NEMP2: variants seen among roughly 807,000 people sequenced by gnomAD.
The protein encoded by NEMP2 is UPF0571 transmembrane protein.
A neutral mutation model predicts 54.2 loss-of-function variants in NEMP2; 53 were observed. That is an observed-to-expected ratio of 0.98 (90% CI 0.78 to 1.23). The LOEUF is 1.23. Ranked by LOEUF, NEMP2 falls within the 50% of genes most tolerant of loss-of-function variation. The pLI is 0.00. For missense variants in NEMP2, 455 were observed against 511.3 expected, an observed-to-expected ratio of 0.89 and a Z score of 1.06; for synonymous variants, 197 against 190.3, an observed-to-expected ratio of 1.04 and a Z score of -0.29.
the NEMP2 span, among the ~76,000 whole-genome samples, chr2:190,466,081 C>A: frequency 6.6e-6 from 1 of 152,168 alleles, no homozygotes; most frequent in East Asian, 1.9e-4. Context: ...AGGTTTTCTT[C>A]CAGAGTTTTT....
Position 190,534,557 on chromosome 2 carries a change from A to G in NEMP2, c.97+2T>C, listed in dbSNP as rs1691295103. ...GCGCCGCCGCCGCCGGTCCCGGGTT[A>G]CCTGATAACGCTGCCGCCGCCGCCT... On this transcript the variant is annotated splice_donor_variant, in intron 1 of 8. Coordinates refer to ENST00000409150, the MANE Select transcript of NEMP2 (RefSeq NM_001142645.2). LOFTEE classifies it high-confidence loss of function. 28 of 1,402,516 alleles carry G rather than the reference A, an allele frequency of 2.0e-5. No homozygotes were observed. Among genetic ancestry groups the G allele is most frequent in the Non-Finnish European group, 2.4e-5 (26 of 1,083,058 alleles). 86.9% of individuals were successfully genotyped at this position (1,402,516 alleles called of 1,614,324 possible). A position where few individuals can be genotyped will look rare whatever the true frequency, so the allele number is the denominator to read the frequency against.
the NEMP2 span, chr2:190,454,448 GT>G: frequency 6.6e-6 from 1 of 152,212 alleles, no homozygotes; most frequent in Non-Finnish European, 1.5e-5. The surrounding 1 kb of genome is among the most constrained non-coding windows in gnomAD (Gnocchi z 4.6). Context: ...GGTCATGAGA[GT>G]GGGGCCCTCA....
chr2:190,545,950 G>A, the NEMP2 span, among the ~76,000 whole-genome samples: 1 of 152,178 alleles, frequency 6.6e-6, no homozygotes, highest in Non-Finnish European at 1.5e-5. Flanking sequence ...GGTCATAGGA[G>A]TGGAATGTCA....
chr2:190,463,863 G>T, the NEMP2 span: 9 of 982,108 alleles, frequency 9.2e-6, no homozygotes, highest in Non-Finnish European at 1.1e-5. The surrounding 1 kb of genome is among the most constrained non-coding windows in gnomAD (Gnocchi z 4.4). Flanking sequence ...AGCTGAGAAT[G>T]ATGGAGCCCA....
At chr2:190,501,602 C>T (rs1690027760), downstream of NEMP2, 1 of 152,402 alleles carries the variant, frequency 6.6e-6, no homozygotes, top group East Asian at 1.9e-4. Flanking sequence ...AAATGAGCAA[C>T]TCACCTTACC....
At chr2:190,496,735 A>G in the NEMP2 span, among the ~76,000 whole-genome samples, 8 of 152,198 alleles carry the variant, frequency 5.3e-5, no homozygotes, top group Admixed American at 5.2e-4. The surrounding 1 kb of genome is among the most constrained non-coding windows in gnomAD (Gnocchi z 4.7). Context: ...TCAGCCATAA[A>G]AAGGAATGAA....
the NEMP2 span, among the ~76,000 whole-genome samples, chr2:190,580,394 A>G: frequency 2.0e-5 from 3 of 152,166 alleles, no homozygotes; most frequent in Admixed American, 2.0e-4. This position sits in a 1 kb window ranked among gnomAD's most constrained non-coding sequence, Gnocchi z 5.3. Flanking sequence ...TGGTGATAAT[A>G]TGGTCTGTTA....
At chr2:190,639,242 G>T in the NEMP2 span, among the ~76,000 whole-genome samples, 79 of 152,234 alleles carry the variant, frequency 5.2e-4, no homozygotes, top group Non-Finnish European at 9.4e-4. Flanking sequence ...CATGGTCAAA[G>T]AATTTGGTGT....
the NEMP2 span, among the ~76,000 whole-genome samples, chr2:190,456,901 G>T: frequency 0.013 from 1,905 of 152,270 alleles, 38 homozygotes; most frequent in African/African-American, 0.043. This position sits in a 1 kb window ranked among gnomAD's most constrained non-coding sequence, Gnocchi z 5.4. Context: ...TTGGACAACT[G>T]TTGAGTGGCA....
At chr2:190,491,421 G>A in the NEMP2 span, among the ~76,000 whole-genome samples, 12 of 152,170 alleles carry the variant, frequency 7.9e-5, no homozygotes, top group Non-Finnish European at 1.6e-4. The surrounding 1 kb of genome is among the most constrained non-coding windows in gnomAD (Gnocchi z 4.2). Flanking sequence ...GAGGACCTGA[G>A]AGACAGGCCA....
chr2:190,447,122 A>C, the NEMP2 span, among the ~76,000 whole-genome samples: 1 of 152,232 alleles, frequency 6.6e-6, no homozygotes. This position sits in a 1 kb window ranked among gnomAD's most constrained non-coding sequence, Gnocchi z 4.5. Context: ...GTCTTGACAC[A>C]CAAAATATAA....
chr2:190,595,959 C>T, the NEMP2 span, among the ~76,000 whole-genome samples: 2 of 152,158 alleles, frequency 1.3e-5, no homozygotes, highest in Admixed American at 6.5e-5. This position sits in a 1 kb window ranked among gnomAD's most constrained non-coding sequence, Gnocchi z 4.0. Context: ...CATATGTTTA[C>T]TGCAGCACTG....
At chr2:190,482,094 T>C in the NEMP2 span, among the ~76,000 whole-genome samples, 1 of 152,184 alleles carries the variant, frequency 6.6e-6, no homozygotes. Context: ...ATTGTATGGG[T>C]CAGGTGCAGA....
the NEMP2 span, among the ~76,000 whole-genome samples, chr2:190,474,739 C>A: frequency 1.3e-5 from 2 of 152,138 alleles, no homozygotes; most frequent in African/African-American, 4.8e-5. Flanking sequence ...ATCCTGATAC[C>A]AAAGCCTGGC....
At chr2:190,453,625 C>T in the NEMP2 span, among the ~76,000 whole-genome samples, 1 of 152,204 alleles carries the variant, frequency 6.6e-6, no homozygotes, top group African/African-American at 2.4e-5. Context: ...AAATTACATC[C>T]TAATGTCAGA....
At chr2:190,573,339 C>A in the NEMP2 span, among the ~76,000 whole-genome samples, 2 of 152,156 alleles carry the variant, frequency 1.3e-5, no homozygotes, top group Non-Finnish European at 2.9e-5. Flanking sequence ...AATGTAATCT[C>A]CTATCTCTTT....
At chr2:190,534,525 C>T in intron 1 of NEMP2, 34 bp downstream of exon 1, 2 of 1,376,108 alleles carry the variant, frequency 1.5e-6, no homozygotes, top group Non-Finnish European at 1.9e-6. Context: ...AGCGAGCACG[C>T]ACGCGCGCGC....
At chr2:190,503,902 G>A (rs1374509230), downstream of NEMP2, among the ~76,000 whole-genome samples, 2 of 152,174 alleles carry the variant, frequency 1.3e-5, no homozygotes, top group African/African-American at 4.8e-5. This position sits in a 1 kb window ranked among gnomAD's most constrained non-coding sequence, Gnocchi z 6.3. Flanking sequence ...GAAACTTGCT[G>A]ATGTCTAACA....
At chr2:190,573,984 T>C in the NEMP2 span, among the ~76,000 whole-genome samples, 3 of 152,230 alleles carry the variant, frequency 2.0e-5, no homozygotes, top group Non-Finnish European at 2.9e-5. Context: ...AAGCTTGGAA[T>C]GGTTAGCATT....
Sources: allele counts gnomAD v4.1 joint callset (sites outside exome capture counted in the v4.1 genomes callset), GRCh38; gene constraint gnomAD v4.1.1; non-coding constraint Gnocchi (gnomAD v3.1); transcripts MANE v1.5; gene names NCBI Gene and HGNC (gene_info 2026-07-23, HGNC 2026-07-21).